The following TENM3 variants were observed in gnomAD, a reference collection of about 807,000 sequenced individuals.
TENM3 encodes teneurin transmembrane protein 3.
In TENM3, 63 loss-of-function variants were observed where a neutral mutation model predicts 255.1. The observed-to-expected ratio is 0.25, with a 90% CI of 0.20 to 0.30. TENM3 has a LOEUF of 0.30. Among genes scored for constraint, TENM3 ranks in the 10% least tolerant of loss-of-function variants. TENM3 has a pLI of 1.00. For synonymous variants in TENM3, 1,306 were observed against 1,322.3 expected (o/e 0.99, Z 0.27); for missense variants, 2,929 against 3,461.1 (o/e 0.85, Z 3.86).
chr4:182,063,612 A>G, the TENM3 span, among the ~76,000 whole-genome samples: 17 of 152,020 alleles, frequency 1.1e-4, no homozygotes, highest in East Asian at 2.9e-3. Context: ...AAACAAATCT[A>G]TATAACAAAT....
rs1766955127 is a variant in TENM3, at chr4:182,801,335, C to T, written c.*984C>T. The T allele has an allele frequency of 6.6e-6, 1 of 152,182 alleles. No individual in the cohort carries two copies. The highest frequency in any genetic ancestry group is 2.4e-5 in the African/African-American group (1 of 41,398). 9.4% of individuals were successfully genotyped at this position (152,182 alleles called of 1,614,324 possible). On this transcript the variant is annotated 3_prime_UTR_variant, in exon 28 of 28. Coordinates refer to ENST00000511685, the MANE Select transcript of TENM3 (RefSeq NM_001080477.4). ...TCTAGGTGGGTGGCGAATCAGAGAGCTCCTTTCTCTTCCCTCTCTCACGCA... is the reference window on the plus strand; with the variant it reads ...TCTAGGTGGGTGGCGAATCAGAGAGTTCCTTTCTCTTCCCTCTCTCACGCA...
At chr4:182,561,472 A>C (rs1399829760) in intron 3 of TENM3, among the ~76,000 whole-genome samples, 2 of 151,814 alleles carry the variant, frequency 1.3e-5, no homozygotes, top group East Asian at 3.9e-4. Context: ...GAAACAAACC[A>C]AATTTTCCCT....
chr4:181,547,962 C>T, the TENM3 span, among the ~76,000 whole-genome samples: 2 of 151,936 alleles, frequency 1.3e-5, no homozygotes, highest in Admixed American at 6.6e-5. Context: ...CTCCCCCGTC[C>T]CCCCACCCCA....
chr4:182,349,667 A>G (rs1274823734), intron 3 of TENM3, among the ~76,000 whole-genome samples: 2 of 152,186 alleles, frequency 1.3e-5, no homozygotes, highest in Non-Finnish European at 2.9e-5. Flanking sequence ...ATTTTTACCT[A>G]TATTACTACT....
chr4:182,580,328 G>A (rs887788398), intron 3 of TENM3, among the ~76,000 whole-genome samples: 4 of 149,534 alleles, frequency 2.7e-5, no homozygotes, highest in Non-Finnish European at 6.0e-5. Context: ...GCACTTAGAG[G>A]GGGGCACTCT....
At chr4:182,095,853 T>C in the TENM3 span, among the ~76,000 whole-genome samples, 1 of 151,818 alleles carries the variant, frequency 6.6e-6, no homozygotes, top group Non-Finnish European at 1.5e-5. Context: ...ATAACTATTA[T>C]ATGTCCATAA....
chr4:182,520,717 G>T (rs1433481309), intron 3 of TENM3, among the ~76,000 whole-genome samples: 1 of 152,084 alleles, frequency 6.6e-6, no homozygotes, highest in African/African-American at 2.4e-5. Flanking sequence ...ATTAGTTCTG[G>T]ACAAGTTAGT....
intron 1 of TENM3, among the ~76,000 whole-genome samples, chr4:182,228,510 C>G (rs10008110): frequency 0.49 from 72,971 of 149,614 alleles, 18,726 homozygotes; most frequent in Admixed American, 0.57. Context: ...ATTGATTTCT[C>G]TCCTGGTGCC....
intron 3 of TENM3, among the ~76,000 whole-genome samples, chr4:182,450,802 T>A (rs1342015753): frequency 6.6e-6 from 1 of 152,230 alleles, no homozygotes; most frequent in Admixed American, 6.5e-5. Flanking sequence ...AATAGTGCTG[T>A]ATAAGAGCGT....
At chr4:182,333,077 C>T (rs1021002158) in intron 2 of TENM3, among the ~76,000 whole-genome samples, 1 of 152,102 alleles carries the variant, frequency 6.6e-6, no homozygotes, top group Admixed American at 6.5e-5. Context: ...AAAGAGAGAC[C>T]ATTTCCAAGG....
chr4:182,131,494 C>T, the TENM3 span, among the ~76,000 whole-genome samples: 3 of 152,168 alleles, frequency 2.0e-5, no homozygotes, highest in South Asian at 2.1e-4. Flanking sequence ...TTGATATTAG[C>T]GTTTTTATCA....
At chr4:182,422,425 C>T (rs1369350917) in intron 3 of TENM3, among the ~76,000 whole-genome samples, 1 of 152,158 alleles carries the variant, frequency 6.6e-6, no homozygotes, top group African/African-American at 2.4e-5. Context: ...TGAGTAACCT[C>T]GCAACCAAGT....
chr4:182,324,187 G>C lies in TENM3; in HGVS notation c.167G>C (p.Arg56Pro). The part of the protein sequence containing the change: ...TLKAFDHDSS[R>P]LLYGNRVKDL... ...AAAGCTTTTGATCATGATTCCTCGC[G>C]GCTGCTTTACGGCAACAGAGTGAAG... Residue 56 changes from arginine (R) to proline (P), a missense_variant, in exon 2 of 28, where the codon CGG (arginine) becomes CCG (proline). Transcript: ENST00000511685. 1 of 1,613,960 alleles carries C rather than the reference G, an allele frequency of 6.2e-7. No individual in the cohort carries two copies. Among genetic ancestry groups the C allele is most frequent in the Non-Finnish European group, 8.5e-7 (1 of 1,179,896 alleles).
chr4:182,103,107 T>C, the TENM3 span, among the ~76,000 whole-genome samples: 1 of 152,224 alleles, frequency 6.6e-6, no homozygotes, highest in Non-Finnish European at 1.5e-5. Context: ...AAAAAAATGT[T>C]TCATGGGAAT....
At chr4:182,238,833 C>T (rs1321546604), upstream of TENM3, among the ~76,000 whole-genome samples, 1 of 152,156 alleles carries the variant, frequency 6.6e-6, no homozygotes, top group Non-Finnish European at 1.5e-5. Flanking sequence ...TTTTCTCCCT[C>T]TCTTTTTTAA....
the TENM3 span, among the ~76,000 whole-genome samples, chr4:181,758,019 T>C: frequency 1.6e-4 from 25 of 152,222 alleles, no homozygotes; most frequent in Non-Finnish European, 2.9e-4. Context: ...GCCACAAATA[T>C]GAAAGGAGTA....
At chr4:182,463,194 T>G (rs1261555835) in intron 3 of TENM3, among the ~76,000 whole-genome samples, 2 of 152,028 alleles carry the variant, frequency 1.3e-5, no homozygotes, top group African/African-American at 4.8e-5. Flanking sequence ...TTTTTTAAGC[T>G]CTCTACTGAA....
At chr4:182,727,203 C>T (rs1760269180) in intron 13 of TENM3, among the ~76,000 whole-genome samples, 1 of 152,030 alleles carries the variant, frequency 6.6e-6, no homozygotes, top group African/African-American at 2.4e-5. Flanking sequence ...CACCTATAAT[C>T]CCAGCACTTT....
chr4:182,299,974 G>A (rs1049814870), intron 1 of TENM3, among the ~76,000 whole-genome samples: 1 of 151,242 alleles, frequency 6.6e-6, no homozygotes, highest in Non-Finnish European at 1.5e-5. Flanking sequence ...GGAGTGCAGT[G>A]GCGCAATCTT....
Sources: allele counts gnomAD v4.1 joint callset (sites outside exome capture counted in the v4.1 genomes callset), GRCh38; gene constraint gnomAD v4.1.1; transcripts MANE v1.5; gene names NCBI Gene and HGNC (gene_info 2026-07-23, HGNC 2026-07-21).